The following KIF14 variants were observed in gnomAD, a reference collection of about 807,000 sequenced individuals.
KIF14 encodes kinesin family member 14.
A neutral mutation model predicts 176.2 loss-of-function variants in KIF14; 98 were observed. That is an observed-to-expected ratio of 0.56 (90% CI 0.47 to 0.66). KIF14 has a LOEUF of 0.66. Ranked by LOEUF, KIF14 falls within the 30% of genes least tolerant of loss-of-function variation. The pLI, the probability that KIF14 is intolerant of heterozygous loss-of-function variation, is 0.00. For synonymous variants in KIF14, 566 were observed against 632.2 expected, an observed-to-expected ratio of 0.90 and a Z score of 1.57; for missense variants, 1,751 against 1,920.4, an observed-to-expected ratio of 0.91 and a Z score of 1.65.
At chr1:200,585,239 CAAA>C (rs759023980) in intron 19 of KIF14, among the ~76,000 whole-genome samples, 2 of 91,268 alleles carry the variant, frequency 2.2e-5, no homozygotes, top group Admixed American at 1.2e-4. Context: ...GTCCTCATGA[CAAA>C]AAAAAAAAAA....
At position 200,618,173 on chromosome 1, in the gene KIF14, T is replaced by G. The variant is rs750375787; in HGVS notation, c.551A>C (p.Asp184Ala). Residue 184 changes from aspartate to alanine, a missense_variant, in exon 2 of 30, where the codon GAT becomes GCT. By Grantham distance (126) the Asp-to-Ala change is moderately radical (BLOSUM62 -2). Transcript: ENST00000367350. ...FVASSVPLDE[D>A]PQVIEMMADK... is the part of the protein sequence containing the mutation. ...AGCCATCATTTCAATGACCTGTGGA[T>G]CTTCATCTAAAGGTACAGAAGAGGC... 4 of 1,613,886 alleles carry G rather than the reference T, an allele frequency of 2.5e-6. No homozygotes were observed. In the African/African-American group the frequency reaches 5.3e-5, roughly 22 times the overall value.
At position 200,593,667 on chromosome 1, in the gene KIF14, A is replaced by C. The variant is rs966428066; in HGVS notation, c.2652T>G (p.His884Gln). The C allele has an allele frequency of 1.3e-6, 2 of 1,569,798 alleles. No homozygotes were observed. The highest frequency in any genetic ancestry group is 1.8e-6 in the Non-Finnish European group (2 of 1,140,336). ...KHILEITVLR[H>Q]GDRVILGGDH... is the part of the protein sequence containing the mutation. The stretch of plus-strand genomic sequence containing the variant: ...TATATTATAGCACCCATCCACTTAC[A>C]TGACGTAATACTGTGATTTCCAAAA... Residue 884 changes from histidine (H) to glutamine (Q), a missense_variant and splice_region_variant, in exon 15 of 30, where the codon CAT becomes CAG. His to Gln is a conservative substitution (Grantham distance 24). Coordinates refer to ENST00000367350, the MANE Select transcript of KIF14 (RefSeq NM_014875.3).
intron 23 of KIF14, among the ~76,000 whole-genome samples, chr1:200,568,077 T>C (rs551721111): frequency 1.3e-4 from 20 of 152,322 alleles, no homozygotes; most frequent in Non-Finnish European, 2.6e-4. Flanking sequence ...AGATACTTGC[T>C]CAACTTCCCA....
chr1:200,561,131 G>A (rs1657122345), intron 25 of KIF14, among the ~76,000 whole-genome samples: 3 of 151,798 alleles, frequency 2.0e-5, no homozygotes, highest in Admixed American at 1.3e-4. Context: ...TCAGTAGGCT[G>A]AAGCATGAGA....
At chr1:200,556,808 C>T (rs1656854601) in intron 27 of KIF14, among the ~76,000 whole-genome samples, 1 of 152,144 alleles carries the variant, frequency 6.6e-6, no homozygotes, top group South Asian at 2.1e-4. Flanking sequence ...ATAAATGGTG[C>T]TGCTGCTGAG....
intron 11 of KIF14, 83 bp from the exon 12 acceptor site, chr1:200,600,586 A>G: frequency 1.0e-6 from 1 of 966,774 alleles, no homozygotes; most frequent in Admixed American, 2.3e-5. Context: ...CCAATCTTCT[A>G]TTTCATTTGA....
At chr1:200,590,044 G>A (rs1658972727) in intron 17 of KIF14, 81 bp downstream of exon 17, 2 of 1,376,766 alleles carry the variant, frequency 1.5e-6, no homozygotes, top group African/African-American at 2.9e-5. Context: ...TCCCTTATAG[G>A]GACATAATCA....
chr1:200,620,576 C>G lies in KIF14; in HGVS notation c.-281G>C, dbSNP rs1660635969. 1 of 150,618 alleles carries G rather than the reference C, an allele frequency of 6.6e-6. No homozygotes were observed. The highest frequency in any genetic ancestry group is 2.1e-4 in the South Asian group (1 of 4,834). The allele number at this position is 150,618 out of a possible 1,614,324, so 9.3% of individuals were successfully genotyped here. A position where few individuals can be genotyped will look rare whatever the true frequency, so the allele number is the denominator to read the frequency against. The stretch of plus-strand genomic sequence containing the variant: ...TGAGGAACTGAATGGGGGACTGGAG[C>G]TAAGACCACCCGCCCGCAGAGCAGT... On this transcript the variant is annotated 5_prime_UTR_variant, in exon 1 of 30. Coordinates refer to ENST00000367350, the MANE Select transcript of KIF14 (RefSeq NM_014875.3).
intron 21 of KIF14, among the ~76,000 whole-genome samples, chr1:200,578,219 C>T (rs567332593): frequency 6.6e-6 from 1 of 152,208 alleles, no homozygotes; most frequent in East Asian, 1.9e-4. Context: ...ATTTCTAATT[C>T]ATTATTGCTT....
intron 13 of KIF14, among the ~76,000 whole-genome samples, chr1:200,599,282 C>T (rs1182703899): frequency 1.3e-5 from 2 of 152,172 alleles, no homozygotes; most frequent in East Asian, 3.9e-4. Flanking sequence ...CATATCTTTC[C>T]AATTGTATCT....
intron 3 of KIF14, 40 bp downstream of exon 3, chr1:200,615,311 ATATT>A (rs1306686346): frequency 2.6e-6 from 4 of 1,556,164 alleles, no homozygotes; most frequent in Non-Finnish European, 3.5e-6. Flanking sequence ...TCACAAAAGT[ATATT>A]TAAACACTTC....
chr1:200,575,147 G>A (rs1185202291), intron 22 of KIF14, among the ~76,000 whole-genome samples: 3 of 151,668 alleles, frequency 2.0e-5, no homozygotes, highest in African/African-American at 4.8e-5. Flanking sequence ...TGGTAGAGAC[G>A]GGGTTTCACC....
intron 23 of KIF14, 122 bp downstream of exon 23, chr1:200,569,789 T>G (rs1427965560): frequency 1.9e-6 from 1 of 522,952 alleles, no homozygotes; most frequent in Middle Eastern, 2.9e-4. Flanking sequence ...CTCCTCATTT[T>G]ACAGAGGAAT....
At chr1:200,572,624 T>C (rs1158064850) in intron 22 of KIF14, among the ~76,000 whole-genome samples, 1 of 152,244 alleles carries the variant, frequency 6.6e-6, no homozygotes, top group Non-Finnish European at 1.5e-5. Context: ...ATTACAAGCA[T>C]GAGCCACTGC....
chr1:200,579,126 C>T (rs564964968), intron 21 of KIF14, among the ~76,000 whole-genome samples: 6 of 151,976 alleles, frequency 3.9e-5, no homozygotes, highest in African/African-American at 1.4e-4. Context: ...GAAATGAACA[C>T]ATACTTTACC....
At chr1:200,563,279 C>G (rs1430894800) in intron 25 of KIF14, among the ~76,000 whole-genome samples, 3 of 152,098 alleles carry the variant, frequency 2.0e-5, no homozygotes, top group Admixed American at 6.6e-5. Context: ...TTCAATTGTT[C>G]TATAACATTT....
rs780822137 is a variant in KIF14, at chr1:200,592,245, A to G, written c.2653-5T>C. ...ACCAAGAATCACTCGATCACCCTAA[A>G]GCACACAAAAAAATGTACTACTTGA... On this transcript the variant is annotated splice_region_variant and splice_polypyrimidine_tract_variant and intron_variant, in intron 15 of 29. Transcript: ENST00000367350. 8.8e-6 allele frequency: 14 copies of G among 1,598,456 alleles called. No homozygotes were observed. The highest frequency in any genetic ancestry group is 3.3e-4 in the Middle Eastern group (2 of 5,976).
intron 18 of KIF14, among the ~76,000 whole-genome samples, chr1:200,588,823 C>G (rs1658894922): frequency 6.6e-6 from 1 of 152,204 alleles, no homozygotes; most frequent in Admixed American, 6.5e-5. Context: ...AAACAGGATG[C>G]TTGCTGCTCT....
At chr1:200,598,593 G>A (rs1571540524) in intron 13 of KIF14, among the ~76,000 whole-genome samples, 172 bp from the exon 14 acceptor site, 1 of 152,002 alleles carries the variant, frequency 6.6e-6, no homozygotes, top group Non-Finnish European at 1.5e-5. Context: ...GAGTCTCGCT[G>A]TGTCACCCAG....
Sources: gnomAD v4.1 joint callset for allele counts (sites outside exome capture counted in the v4.1 genomes callset) on GRCh38, gnomAD v4.1.1 for gene constraint, MANE v1.5 for transcripts, NCBI Gene and HGNC (gene_info 2026-07-23, HGNC 2026-07-21) for gene names.